Variants in DAAM2 observed in about 807,000 individuals in gnomAD.
DAAM2 encodes disheveled-associated activator of morphogenesis 2.
Under a neutral mutation model 120.7 loss-of-function variants are expected in DAAM2, and 39 were observed. That is an observed-to-expected ratio of 0.32 (90% CI 0.25 to 0.42). The LOEUF (loss-of-function observed/expected upper bound fraction) is 0.42, where lower values mean the gene tolerates loss of function less well. DAAM2 is among the 10% of genes least tolerant of loss of function. DAAM2 has a pLI of 1.00. For synonymous variants in DAAM2, 488 were observed against 524.9 expected, an observed-to-expected ratio of 0.93 and a Z score of 0.96; for missense variants, 1,283 against 1,401.7, an observed-to-expected ratio of 0.92 and a Z score of 1.35.
intron 9 of DAAM2, among the ~76,000 whole-genome samples, chr6:39,872,028 C>A (rs1303693345): frequency 6.6e-6 from 1 of 152,048 alleles, no homozygotes; most frequent in Non-Finnish European, 1.5e-5. Context: ...GAAAATTCAC[C>A]TTTCCTTGGC....
intron 1 of DAAM2, among the ~76,000 whole-genome samples, chr6:39,830,269 T>C (rs1381699705): frequency 6.6e-6 from 1 of 152,168 alleles, no homozygotes; most frequent in Non-Finnish European, 1.5e-5. Context: ...TCTGGGTCCG[T>C]CATGGAGAGG....
intron 1 of DAAM2, chr6:39,819,088 T>C (rs6908691): frequency 0.89 from 135,282 of 152,234 alleles, 60,316 homozygotes; most frequent in Non-Finnish European, 0.93. Flanking sequence ...GCATGTGGCC[T>C]CTCATCAGTG....
chr6:39,794,278 G>A (rs1333957503), intron 1 of DAAM2, among the ~76,000 whole-genome samples: 1 of 152,146 alleles, frequency 6.6e-6, no homozygotes, highest in East Asian at 1.9e-4. Flanking sequence ...CCTTAGACAT[G>A]GGAGGATAAA....
intron 15 of DAAM2, chr6:39,884,802 T>C (rs3003933): frequency 0.56 from 85,380 of 152,234 alleles, 24,386 homozygotes; most frequent in East Asian, 0.78. Context: ...GTGCCGAGTA[T>C]CTGTGGGGAC....
chr6:39,851,979 C>T (rs1280882599), intron 1 of DAAM2, among the ~76,000 whole-genome samples: 3 of 152,188 alleles, frequency 2.0e-5, no homozygotes, highest in East Asian at 1.9e-4. Context: ...CCACGAGAAG[C>T]GTTGCTTAAC....
rs758751293 is a variant in DAAM2, at chr6:39,837,663, C to CAAAAAAAAAAAA, written c.-56-18572_-56-18561dup. ...GGGCAACAAGAGCGAAACTCCATCT[C>CAAAAAAAAAAAA]AAAAAAAAAAAAAAAAAAAAAAAGA... is the stretch of plus-strand genomic sequence containing the variant. On this transcript the variant is annotated intron_variant, in intron 1 of 24. Transcript: ENST00000274867. 1.2e-3 allele frequency among the ~76,000 whole-genome samples: 51 copies of CAAAAAAAAAAAA among 41,180 alleles called. 2 individuals carry two copies. The highest frequency in any genetic ancestry group is 4.8e-3 in the African/African-American group (43 of 8,946). The allele number at this position is 41,180 out of a possible 152,430, so 27.0% of individuals were successfully genotyped here. A position where few individuals can be genotyped will look rare whatever the true frequency, so the allele number is the denominator to read the frequency against.
chr6:39,891,509 G>A, intron 18 of DAAM2, 62 bp downstream of exon 18: 1 of 1,523,972 alleles, frequency 6.6e-7, no homozygotes, highest in East Asian at 2.4e-5. Flanking sequence ...GGGCAGGTGG[G>A]GCTCTGCCAA....
intron 14 of DAAM2, among the ~76,000 whole-genome samples, chr6:39,880,664 T>C (rs909245065): frequency 6.6e-6 from 1 of 152,194 alleles, no homozygotes; most frequent in African/African-American, 2.4e-5. Flanking sequence ...GTCAGTTTGC[T>C]CATGTGTGAA....
chr6:39,797,191 T>C (rs959365770), intron 1 of DAAM2, among the ~76,000 whole-genome samples: 5 of 152,176 alleles, frequency 3.3e-5, no homozygotes, highest in Non-Finnish European at 5.9e-5. Context: ...ATTTGGGCTA[T>C]TTAGTGAGCT....
chr6:39,893,989 T>A (rs974250564), intron 19 of DAAM2, among the ~76,000 whole-genome samples: 1 of 152,196 alleles, frequency 6.6e-6, no homozygotes, highest in East Asian at 1.9e-4. Flanking sequence ...ATTTACCAGT[T>A]CTTCTATGAA....
intron 2 of DAAM2, among the ~76,000 whole-genome samples, chr6:39,859,888 C>T (rs1158672719): frequency 6.6e-6 from 1 of 152,046 alleles, no homozygotes; most frequent in Non-Finnish European, 1.5e-5. Flanking sequence ...TTACAGATAT[C>T]AAAATTTAAG....
At chr6:39,827,893 T>C (rs1241973511) in intron 1 of DAAM2, among the ~76,000 whole-genome samples, 1 of 152,092 alleles carries the variant, frequency 6.6e-6, no homozygotes, top group African/African-American at 2.4e-5. Context: ...CACTTCTAAC[T>C]CCTGCCCTCC....
chr6:39,897,158 CT>C lies in DAAM2; in HGVS notation c.2511-16del, dbSNP rs760893130. 7 of 1,598,502 alleles carry C rather than the reference CT, an allele frequency of 4.4e-6. No individual in the cohort carries two copies. The African/African-American group carries it at 8.0e-5, about 18-fold the overall frequency. On this transcript the variant is annotated splice_polypyrimidine_tract_variant and intron_variant, in intron 20 of 24. Transcript: ENST00000274867. ...GTTTCCTCTGTCACTTACCACTGAC[CT>C]GACTTTCATCCACAGAAACATCTCT...
At chr6:39,804,185 C>T (rs933502907) in intron 1 of DAAM2, among the ~76,000 whole-genome samples, 6 of 152,172 alleles carry the variant, frequency 3.9e-5, no homozygotes, top group African/African-American at 1.4e-4. Flanking sequence ...TTCCCCTTTC[C>T]ACACCATTTC....
intron 4 of DAAM2, 28 bp from the exon 5 acceptor site, chr6:39,864,952 C>A: frequency 6.3e-7 from 1 of 1,578,856 alleles, no homozygotes; most frequent in Non-Finnish European, 8.6e-7. Flanking sequence ...GGGAGACAGG[C>A]AGCCCCTTTC....
chr6:39,857,850 A>G (rs1408565891), intron 2 of DAAM2, among the ~76,000 whole-genome samples: 2 of 152,048 alleles, frequency 1.3e-5, no homozygotes, highest in African/African-American at 4.8e-5. Context: ...TGTAGAGATG[A>G]GCCACCAGAG....
chr6:39,799,781 CAAAGATAT>C (rs1369889929), intron 1 of DAAM2, among the ~76,000 whole-genome samples: 1 of 152,132 alleles, frequency 6.6e-6, no homozygotes, highest in Non-Finnish European at 1.5e-5. Flanking sequence ...TAATATCATG[CAAAGATAT>C]ATAAAGACAA....
chr6:39,898,112 A>T (rs1362761869), intron 21 of DAAM2, among the ~76,000 whole-genome samples: 1 of 152,248 alleles, frequency 6.6e-6, no homozygotes, highest in African/African-American at 2.4e-5. Flanking sequence ...GAATGCCAGT[A>T]ACAAACATTA....
chr6:39,879,208 G>T lies in DAAM2; in HGVS notation c.1576G>T (p.Gly526Trp). Residue 526 changes from glycine to tryptophan, a missense_variant, in exon 14 of 25, where the codon GGG becomes TGG. Physicochemically the swap from Gly to Trp is radical, Grantham distance 184. Transcript: ENST00000274867. The stretch of plus-strand genomic sequence containing the variant: ...CCCTGTATCTTCCCCACCACCCCCT[G>T]GGGGCCCACTCACCTTGTCTTCCTC... ...TGPVSSPPPP[G>W]GPLTLSSSMT... The T allele has an allele frequency of 1.9e-6, 3 of 1,549,342 alleles. No homozygotes were observed. The highest frequency in any genetic ancestry group is 2.6e-6 in the Non-Finnish European group (3 of 1,145,894).
Sources: gnomAD v4.1 joint callset for allele counts (sites outside exome capture counted in the v4.1 genomes callset) on GRCh38, gnomAD v4.1.1 for gene constraint, MANE v1.5 for transcripts, NCBI Gene and HGNC (gene_info 2026-07-23, HGNC 2026-07-21) for gene names.